The following LRP1B variants were observed in gnomAD, a reference collection of about 807,000 sequenced individuals.
The protein encoded by LRP1B is low-density lipoprotein receptor-related protein 1B.
In LRP1B, 217 loss-of-function variants were observed where a neutral mutation model predicts 556.6. That is an observed-to-expected ratio of 0.39 (90% CI 0.35 to 0.44). The LOEUF is 0.44. Ranked by LOEUF, LRP1B falls within the 20% of genes least tolerant of loss-of-function variation. The pLI is 1.00. For synonymous variants in LRP1B, 2,047 were observed against 1,865.8 expected, an observed-to-expected ratio of 1.10 and a Z score of -2.50; for missense variants, 5,053 against 5,620.8, an observed-to-expected ratio of 0.90 and a Z score of 3.23.
At chr2:140,371,678 CTG>C (rs1162943259) in intron 69 of LRP1B, among the ~76,000 whole-genome samples, 1 of 151,532 alleles carries the variant, frequency 6.6e-6, no homozygotes, top group Non-Finnish European at 1.5e-5. Context: ...ACTTTCAAAA[CTG>C]TAATAATATT....
chr2:142,020,426 G>T (rs1281078438), intron 1 of LRP1B, among the ~76,000 whole-genome samples: 1 of 152,146 alleles, frequency 6.6e-6, no homozygotes, highest in Admixed American at 6.5e-5. Flanking sequence ...TATTTCTCAT[G>T]CATTCCTTGT....
intron 53 of LRP1B, among the ~76,000 whole-genome samples, chr2:140,506,244 T>C (rs1338201603): frequency 7.0e-6 from 1 of 142,114 alleles, no homozygotes; most frequent in Non-Finnish European, 1.6e-5. Flanking sequence ...TTTAATTTAT[T>C]TATTTATGTA....
intron 1 of LRP1B, among the ~76,000 whole-genome samples, chr2:141,908,434 T>C (rs1435601): frequency 0.86 from 130,830 of 151,878 alleles, 56,540 homozygotes; most frequent in East Asian, 1. Context: ...GATTCTTTTC[T>C]TCATGGATCT....
intron 4 of LRP1B, among the ~76,000 whole-genome samples, chr2:141,252,884 C>G (rs1333126545): frequency 6.6e-6 from 1 of 152,168 alleles, no homozygotes. Flanking sequence ...AAGATCTCCT[C>G]TCCCACTGTG....
At chr2:140,652,868 A>G (rs1414367036) in intron 41 of LRP1B, among the ~76,000 whole-genome samples, 1 of 148,512 alleles carries the variant, frequency 6.7e-6, no homozygotes, top group Admixed American at 6.7e-5. Flanking sequence ...AATGTTACTT[A>G]AAAAAATTGT....
At chr2:140,598,109 C>G (rs1682514630) in intron 43 of LRP1B, among the ~76,000 whole-genome samples, 1 of 152,156 alleles carries the variant, frequency 6.6e-6, no homozygotes, top group South Asian at 2.1e-4. Context: ...CAAGGGATAG[C>G]ATAGCAACTC....
At position 140,534,024 on chromosome 2, in the gene LRP1B, T is replaced by C; in HGVS notation, c.7759A>G (p.Lys2587Glu). The C allele has an allele frequency of 6.2e-7, 1 of 1,613,460 alleles. No homozygotes were observed. Among genetic ancestry groups the C allele is most frequent in the Non-Finnish European group, 8.5e-7 (1 of 1,179,602 alleles). Residue 2587 changes from lysine (K) to glutamate (E), a missense_variant, in exon 47 of 91, where the codon AAA (lysine) becomes GAA (glutamate). Lys to Glu is a moderately conservative substitution (Grantham distance 56). This residue lies in a region of LRP1B where 3,619 missense variants were observed against 3,931.9 expected (regional missense o/e 0.92). Coordinates refer to ENST00000389484, the MANE Select transcript of LRP1B (RefSeq NM_018557.3). ...CGDNSDELDCKVSTCATVEFR... is the reference protein window; with the variant it reads ...CGDNSDELDCEVSTCATVEFR... ...GATTGATGGAACAAGTATTTACCTT[T>C]ACAATCTAATTCATCAGAGTTGTCT...
At chr2:141,875,394 G>A (rs991445090) in intron 1 of LRP1B, among the ~76,000 whole-genome samples, 6 of 151,582 alleles carry the variant, frequency 4.0e-5, no homozygotes, top group African/African-American at 1.5e-4. Context: ...TTAACCTACA[G>A]GCAAACACTA....
chr2:141,737,133 C>A (rs566888844), intron 2 of LRP1B, among the ~76,000 whole-genome samples: 2 of 152,224 alleles, frequency 1.3e-5, no homozygotes, highest in South Asian at 2.1e-4. Flanking sequence ...GCAGGTGGAT[C>A]ATGAGGTGAG....
At chr2:140,645,979 G>T (rs1170440061) in intron 41 of LRP1B, among the ~76,000 whole-genome samples, 1 of 151,688 alleles carries the variant, frequency 6.6e-6, no homozygotes, top group Non-Finnish European at 1.5e-5. Flanking sequence ...GTACCTTATT[G>T]TATACTATTT....
intron 41 of LRP1B, among the ~76,000 whole-genome samples, chr2:140,631,084 C>T (rs1479837233): frequency 6.6e-6 from 1 of 152,134 alleles, no homozygotes; most frequent in Non-Finnish European, 1.5e-5. Flanking sequence ...AACCCAAAGA[C>T]AGCAGAAGAG....
In LRP1B at chr2:141,686,567, A is replaced by G. The variant is rs535925612; in HGVS notation, c.205+123712T>C. ...ATGGGCTACTATCATCAAAGCTCAC[A>G]GTTGATCTACTATGCCATATTGTTT... On this transcript the variant is annotated intron_variant, in intron 2 of 90. Transcript: ENST00000389484. Among the ~76,000 whole-genome samples the G allele has an allele frequency of 3.9e-5, 6 of 152,136 alleles. No homozygotes were observed. In the South Asian group the frequency reaches 6.2e-4, roughly 16 times the overall value.
chr2:142,130,481 C>G (rs1208463439), intron 1 of LRP1B, among the ~76,000 whole-genome samples, 167 bp downstream of exon 1: 2 of 152,198 alleles, frequency 1.3e-5, no homozygotes, highest in African/African-American at 4.8e-5. Context: ...GTTCAGAAAT[C>G]CCGCACCGCA....
At chr2:141,710,123 T>C (rs896321864) in intron 2 of LRP1B, among the ~76,000 whole-genome samples, 13 of 152,298 alleles carry the variant, frequency 8.5e-5, no homozygotes, top group African/African-American at 3.1e-4. Context: ...ATATGAATTT[T>C]AGGAGTACAC....
intron 20 of LRP1B, among the ~76,000 whole-genome samples, chr2:140,926,793 T>C (rs554266126): frequency 6.6e-6 from 1 of 152,296 alleles, no homozygotes; most frequent in East Asian, 1.9e-4. Flanking sequence ...TTTTTTTCCC[T>C]GTGTCAGAAA....
chr2:141,544,324 TCTTCTTC>T (rs1559130958), intron 2 of LRP1B, among the ~76,000 whole-genome samples: 12 of 54,768 alleles, frequency 2.2e-4, no homozygotes, highest in Non-Finnish European at 3.0e-4. Flanking sequence ...TTCTTCTTCT[TCTTCTTC>T]TTCTTCTTCT....
chr2:141,812,482 G>A (rs1359765103), intron 1 of LRP1B, among the ~76,000 whole-genome samples: 1 of 151,954 alleles, frequency 6.6e-6, no homozygotes. Context: ...ATATCAAATT[G>A]TTATGTGGAG....
At chr2:140,621,605 G>C (rs981383401) in intron 41 of LRP1B, among the ~76,000 whole-genome samples, 1 of 151,930 alleles carries the variant, frequency 6.6e-6, no homozygotes, top group Non-Finnish European at 1.5e-5. Context: ...TAAATGTAGG[G>C]AGCATTAATA....
At chr2:140,716,627 T>C in intron 36 of LRP1B, 55 bp downstream of exon 36, 3 of 1,531,304 alleles carry the variant, frequency 2.0e-6, no homozygotes, top group Non-Finnish European at 2.6e-6. Flanking sequence ...TGAAGCAGTT[T>C]GAGCCCCTAA....
Sources: allele counts gnomAD v4.1 joint callset (sites outside exome capture counted in the v4.1 genomes callset), GRCh38; gene constraint gnomAD v4.1.1; regional missense constraint gnomAD v4.1.1; transcripts MANE v1.5; gene names NCBI Gene and HGNC (gene_info 2026-07-23, HGNC 2026-07-21).